TMEM87B: variants seen among roughly 807,000 people sequenced by gnomAD.
TMEM87B encodes transmembrane protein 87B.
TMEM87B carries 83 observed loss-of-function variants against 80.3 expected under a neutral mutation model. The ratio of observed to expected loss-of-function variants is 1.03; its 90% confidence interval spans 0.87 to 1.24. The LOEUF is 1.24. Ranked by LOEUF, TMEM87B falls within the 50% of genes most tolerant of loss-of-function variation. TMEM87B has a pLI of 0.00. For missense variants in TMEM87B, 625 were observed against 674.4 expected (o/e 0.93, Z 0.81); for synonymous variants, 219 against 230.5 (o/e 0.95, Z 0.45).
chr2:112,109,911 C>T (rs1257100377), intron 17 of TMEM87B, among the ~76,000 whole-genome samples: 1 of 151,852 alleles, frequency 6.6e-6, no homozygotes. Context: ...GGATTACAGG[C>T]AGGCGCCACC....
At chr2:112,067,996 T>C (rs1159757975) in intron 4 of TMEM87B, among the ~76,000 whole-genome samples, 6 of 152,154 alleles carry the variant, frequency 3.9e-5, no homozygotes, top group African/African-American at 1.4e-4. Flanking sequence ...GTGGATCACC[T>C]GAGGTCAGTA....
At chr2:112,084,135 G>A (rs986488651) in intron 8 of TMEM87B, among the ~76,000 whole-genome samples, 4 of 152,168 alleles carry the variant, frequency 2.6e-5, no homozygotes, top group African/African-American at 9.7e-5. Context: ...CAGGAGCCTG[G>A]AAGGAAAGTT....
chr2:112,110,699 TTTTTC>T (rs1377786665), intron 17 of TMEM87B, among the ~76,000 whole-genome samples: 2 of 152,176 alleles, frequency 1.3e-5, no homozygotes, highest in African/African-American at 4.8e-5. Flanking sequence ...TGTTGTTTTA[TTTTTC>T]TTTTATTTCT....
At chr2:112,075,595 A>G (rs1439782984) in intron 5 of TMEM87B, among the ~76,000 whole-genome samples, 3 of 152,252 alleles carry the variant, frequency 2.0e-5, no homozygotes, top group Non-Finnish European at 2.9e-5. Flanking sequence ...TTAAAGAAAT[A>G]GAAACCATGA....
chr2:112,074,637 A>T (rs560945428), intron 4 of TMEM87B, among the ~76,000 whole-genome samples: 1 of 152,182 alleles, frequency 6.6e-6, no homozygotes, highest in East Asian at 1.9e-4. Flanking sequence ...GTTCTCATGG[A>T]TGATATACTG....
At chr2:112,061,711 C>T (rs1678264432) in intron 2 of TMEM87B, among the ~76,000 whole-genome samples, 1 of 152,160 alleles carries the variant, frequency 6.6e-6, no homozygotes, top group African/African-American at 2.4e-5. Context: ...AAAATCATTA[C>T]AAATGCCTGA....
chr2:112,077,701 G>A (rs1276613165), intron 6 of TMEM87B, among the ~76,000 whole-genome samples: 1 of 152,194 alleles, frequency 6.6e-6, no homozygotes, highest in Non-Finnish European at 1.5e-5. Context: ...TAAAGGATCT[G>A]TCTGTAGCCT....
chr2:112,116,042 A>AT, intron 18 of TMEM87B, 42 bp from the exon 19 acceptor site: 1 of 1,521,688 alleles, frequency 6.6e-7, no homozygotes. Context: ...TTCTGGAAGT[A>AT]GTATCAACAT....
In TMEM87B at chr2:112,116,063, ATCT is replaced by A. The variant is rs1313361993; in HGVS notation, c.1609-16_1609-14del. On this transcript the variant is annotated intron_variant, in intron 18 of 18. Coordinates refer to ENST00000283206, the MANE Select transcript of TMEM87B (RefSeq NM_032824.3). ...AAGTAGTATCAACATGTTGATACAT[ATCT>A]TCTTTTTTTTTCTTCAGGAAATCAT... 7 of 1,606,464 alleles carry A rather than the reference ATCT, an allele frequency of 4.4e-6. No homozygotes were observed. The highest frequency in any genetic ancestry group is 5.9e-6 in the Non-Finnish European group (7 of 1,176,774).
At chr2:112,072,895 C>CTT (rs71226782) in intron 4 of TMEM87B, among the ~76,000 whole-genome samples, 1,108 of 82,974 alleles carry the variant, frequency 0.013, 45 homozygotes, top group African/African-American at 0.024. Flanking sequence ...AACTCTTCTT[C>CTT]TTTTTTTTTT....
chr2:112,055,323 C>T lies in TMEM87B; in HGVS notation c.-269C>T. ...CAGCCTCCACGTCTCGCCGCCAACT[C>T]CACATCCTGGCTCCTATCTCTGCCT... On this transcript the variant is annotated 5_prime_UTR_variant, in exon 1 of 19. Transcript: ENST00000283206. 1 of 486,306 alleles carries T rather than the reference C, an allele frequency of 2.1e-6. No individual in the cohort carries two copies. The highest frequency in any genetic ancestry group is 3.7e-5 in the East Asian group (1 of 27,314). The allele number at this position is 486,306 out of a possible 1,614,324, so 30.1% of individuals were successfully genotyped here. A position where few individuals can be genotyped will look rare whatever the true frequency, so the allele number is the denominator to read the frequency against.
Position 112,067,002 on chromosome 2 carries a change from T to C in TMEM87B, c.385T>C (p.Cys129Arg). 6.2e-7 allele frequency: 1 copy of C among 1,612,242 alleles called. No homozygotes were observed. The highest frequency in any genetic ancestry group is 1.1e-5 in the South Asian group (1 of 90,400). Residue 129 changes from cysteine (C) to arginine (R), a missense_variant, in exon 4 of 19, where the codon TGT becomes CGT. Physicochemically the swap from Cys to Arg is radical, Grantham distance 180. Coordinates refer to ENST00000283206, the MANE Select transcript of TMEM87B (RefSeq NM_032824.3). ...TTGTCATTATTTGAAGAATGACAAC[T>C]GTTGGACAACAAAAAATGAAAACTT... ...DFCHYLKNDN[C>R]WTTKNENLDC...
chr2:112,116,017 A>G, intron 18 of TMEM87B, 67 bp from the exon 19 acceptor site: 1 of 1,325,758 alleles, frequency 7.5e-7, no homozygotes, highest in Admixed American at 1.9e-5. Flanking sequence ...AAAGATTAGA[A>G]AATTTTTGTT....
chr2:112,055,447 C>T lies in TMEM87B; in HGVS notation c.-145C>T. On this transcript the variant is annotated 5_prime_UTR_variant, in exon 1 of 19. Coordinates refer to ENST00000283206, the MANE Select transcript of TMEM87B (RefSeq NM_032824.3). ...TTCCCAGAACTGCACGGCGCCTCTC[C>T]GCCCAGGCCCAAGCGCGAGCCCCTC... is the stretch of plus-strand genomic sequence containing the variant. The T allele has an allele frequency of 1.0e-6, 1 of 979,242 alleles. No individual in the cohort carries two copies. The highest frequency in any genetic ancestry group is 1.4e-6 in the Non-Finnish European group (1 of 712,580). 60.7% of individuals were successfully genotyped at this position (979,242 alleles called of 1,614,324 possible).
rs191869005 is a variant in TMEM87B at position 112,073,259 on chromosome 2, T to C, written c.451-1653T>C. 8.9e-4 allele frequency among the ~76,000 whole-genome samples: 136 copies of C among 152,314 alleles called. 2 individuals are homozygous for C. The highest frequency in any genetic ancestry group is 3.2e-3 in the African/African-American group (132 of 41,566). On this transcript the variant is annotated intron_variant, in intron 4 of 18. Coordinates refer to ENST00000283206, the MANE Select transcript of TMEM87B (RefSeq NM_032824.3). ...GCGTTTAGTGCTGTAAATTTCCCTC[T>C]TAATATTGCCTTAGCTATGTCGCAG...
intron 15 of TMEM87B, among the ~76,000 whole-genome samples, chr2:112,103,226 T>C (rs72829665): frequency 6.6e-6 from 1 of 152,222 alleles, no homozygotes; most frequent in Non-Finnish European, 1.5e-5. Context: ...ATAAAATACT[T>C]GGAATAAGTT....
chr2:112,071,692 T>TG lies in TMEM87B; in HGVS notation c.451-3216dup, dbSNP rs1195665575. ...TCAAGGAGCTTTTGGGCAGAGAGTA[T>TG]GGGGTTTTCTAGATATATAATCATG... On this transcript the variant is annotated intron_variant, in intron 4 of 18. Coordinates refer to ENST00000283206, the MANE Select transcript of TMEM87B (RefSeq NM_032824.3). 9.9e-5 allele frequency among the ~76,000 whole-genome samples: 15 copies of TG among 152,240 alleles called. 1 individual carries two copies. The highest frequency in any genetic ancestry group is 3.6e-4 in the African/African-American group (15 of 41,538).
chr2:112,104,062 CT>C (rs1156528156), intron 15 of TMEM87B, among the ~76,000 whole-genome samples: 1 of 152,144 alleles, frequency 6.6e-6, no homozygotes, highest in Non-Finnish European at 1.5e-5. Context: ...AATCATTAGA[CT>C]TTTGTTGCAC....
intron 4 of TMEM87B, 73 bp from the exon 5 acceptor site, chr2:112,074,833 TTTTTTC>T: frequency 7.1e-7 from 1 of 1,404,658 alleles, no homozygotes. Context: ...TCTTCTAACT[TTTTTTC>T]TTAATTATTA....
Sources: gnomAD v4.1 joint callset for allele counts (sites outside exome capture counted in the v4.1 genomes callset) on GRCh38, gnomAD v4.1.1 for gene constraint, MANE v1.5 for transcripts, NCBI Gene and HGNC (gene_info 2026-07-23, HGNC 2026-07-21) for gene names.